The following ATP10A variants were observed in gnomAD, a reference collection of about 807,000 sequenced individuals.
ATP10A encodes phospholipid-transporting ATPase VA.
In ATP10A, 111 loss-of-function variants were observed where a neutral mutation model predicts 147.8. The observed-to-expected ratio is 0.75, with a 90% CI of 0.64 to 0.88. The LOEUF (loss-of-function observed/expected upper bound fraction) is 0.88. ATP10A is among the 40% of genes least tolerant of loss of function. The probability of loss-of-function intolerance (pLI) is 0.00; values close to 1 mark genes in which losing one functional copy is unlikely to be tolerated. For synonymous variants in ATP10A, 875 were observed against 841.6 expected (o/e 1.04, Z -0.69); for missense variants, 1,927 against 1,959.0 (o/e 0.98, Z 0.31).
chr15:25,722,351 G>C (rs1902296777), intron 6 of ATP10A, among the ~76,000 whole-genome samples: 1 of 152,180 alleles, frequency 6.6e-6, no homozygotes, highest in Non-Finnish European at 1.5e-5. Context: ...ACAACCCCAA[G>C]TTCAGGGGGC....
intron 1 of ATP10A, among the ~76,000 whole-genome samples, chr15:25,843,887 G>A (rs1892913405): frequency 6.6e-6 from 1 of 152,144 alleles, no homozygotes; most frequent in Non-Finnish European, 1.5e-5. Context: ...GCACTGGAAG[G>A]GCTGGAGTCT....
chr15:25,862,556 C>G, intron 1 of ATP10A, 92 bp downstream of exon 1: 1 of 1,354,974 alleles, frequency 7.4e-7, no homozygotes, highest in Non-Finnish European at 9.8e-7. Context: ...TCTAAGCACC[C>G]AGCCCCTGCC....
At chr15:25,853,380 C>T (rs895524043) in intron 1 of ATP10A, among the ~76,000 whole-genome samples, 1 of 152,176 alleles carries the variant, frequency 6.6e-6, no homozygotes, top group African/African-American at 2.4e-5. Flanking sequence ...TAACAGTCAC[C>T]CAGCCCCTTT....
At chr15:25,816,999 T>C (rs1218439585) in intron 1 of ATP10A, among the ~76,000 whole-genome samples, 1 of 152,194 alleles carries the variant, frequency 6.6e-6, no homozygotes, top group Non-Finnish European at 1.5e-5. Context: ...TACCTGAATT[T>C]TACAATTTAG....
intron 2 of ATP10A, 151 bp from the exon 3 acceptor site, chr15:25,736,292 C>T: frequency 1.5e-6 from 1 of 656,808 alleles, no homozygotes; most frequent in Admixed American, 2.2e-5. Flanking sequence ...CAAAGCAACG[C>T]CTTCTCCACT....
At chr15:25,742,022 T>C (rs1203121981) in intron 2 of ATP10A, among the ~76,000 whole-genome samples, 2 of 152,248 alleles carry the variant, frequency 1.3e-5, no homozygotes, top group African/African-American at 4.8e-5. Context: ...ATGAAACCCA[T>C]TTAGACAGCA....
At chr15:25,692,627 T>C (rs746124084) in intron 14 of ATP10A, among the ~76,000 whole-genome samples, 2 of 152,228 alleles carry the variant, frequency 1.3e-5, no homozygotes, top group African/African-American at 4.8e-5. Flanking sequence ...TTAATATATA[T>C]CAAATTGGAA....
chr15:25,863,061 C>A lies in ATP10A; in HGVS notation c.36G>T (p.Gly12=). The change falls in exon 1 of 21, where the codon GGG becomes GGT. Residue 12 remains glycine (G), a synonymous_variant. Coordinates refer to ENST00000555815, the MANE Select transcript of ATP10A (RefSeq NM_024490.4). ...EREPAGTEEP[G]PPGRRRRREG... The stretch of plus-strand genomic sequence containing the variant: ...CTCGGCGCCTCCGCCGTCCCGGAGG[C>A]CCGGGCTCCTCGGTCCCCGCCGGCT... 8.0e-7 allele frequency: 1 copy of A among 1,244,812 alleles called. No individual in the cohort carries two copies. Among genetic ancestry groups the A allele is most frequent in the Non-Finnish European group, 1.0e-6 (1 of 997,698 alleles). 77.1% of individuals were successfully genotyped at this position (1,244,812 alleles called of 1,614,324 possible). A position where few individuals can be genotyped will look rare whatever the true frequency, so the allele number is the denominator to read the frequency against.
At chr15:25,851,262 T>C (rs1893283951) in intron 1 of ATP10A, among the ~76,000 whole-genome samples, 1 of 152,112 alleles carries the variant, frequency 6.6e-6, no homozygotes, top group African/African-American at 2.4e-5. Flanking sequence ...AAGCACCTAC[T>C]AAGCACCTTT....
In ATP10A at chr15:25,679,419, C is replaced by G; in HGVS notation, c.4422G>C (p.Gln1474His). Residue 1474 changes from glutamine (Q) to histidine (H), a missense_variant, in exon 21 of 21, where the codon CAG becomes CAC. Gln to His is a conservative substitution (Grantham distance 24). Coordinates refer to ENST00000555815, the MANE Select transcript of ATP10A (RefSeq NM_024490.4). ...GAAGTCCTGATCGGCCTGAGTGGGGCTGGACAGGAAGTCCACGTCCCGCTT... is the reference window on the plus strand; with the variant it reads ...GAAGTCCTGATCGGCCTGAGTGGGGGTGGACAGGAAGTCCACGTCCCGCTT... ...DGQAGRGLPV[Q>H]PHSGRSGLQG... 1 of 1,613,604 alleles carries G rather than the reference C, an allele frequency of 6.2e-7. No homozygotes were observed. The highest frequency in any genetic ancestry group is 8.5e-7 in the Non-Finnish European group (1 of 1,179,572).
chr15:25,822,585 A>T (rs1308295633), intron 1 of ATP10A, among the ~76,000 whole-genome samples: 6 of 152,116 alleles, frequency 3.9e-5, no homozygotes, highest in Non-Finnish European at 8.8e-5. Context: ...GTCGCACCCA[A>T]ATTGACACAA....
At chr15:25,743,241 C>T (rs1475162424) in intron 2 of ATP10A, among the ~76,000 whole-genome samples, 1 of 152,160 alleles carries the variant, frequency 6.6e-6, no homozygotes, top group East Asian at 1.9e-4. Flanking sequence ...ACCTCTTGCG[C>T]TAATCTGGGG....
At chr15:25,811,507 C>T (rs532660187) in intron 1 of ATP10A, among the ~76,000 whole-genome samples, 126 of 152,256 alleles carry the variant, frequency 8.3e-4, no homozygotes, top group Middle Eastern at 3.4e-3. Context: ...ACTGCACACC[C>T]GGGCATCCCT....
chr15:25,782,853 T>C (rs558445078), intron 1 of ATP10A, among the ~76,000 whole-genome samples: 120 of 152,064 alleles, frequency 7.9e-4, no homozygotes, highest in Non-Finnish European at 1.4e-3. Flanking sequence ...GAAACATACC[T>C]TGGAGAGGAA....
intron 9 of ATP10A, among the ~76,000 whole-genome samples, chr15:25,716,063 T>C (rs1567326303): frequency 6.6e-6 from 1 of 152,210 alleles, no homozygotes; most frequent in Non-Finnish European, 1.5e-5. Flanking sequence ...AATTTGAGCA[T>C]TGCTATATTT....
intron 2 of ATP10A, among the ~76,000 whole-genome samples, chr15:25,742,288 C>CT (rs36007699): frequency 0.35 from 52,972 of 152,122 alleles, 9,590 homozygotes; most frequent in Non-Finnish European, 0.4. Flanking sequence ...CAGGTGGCTT[C>CT]TGGGAGGCTC....
At chr15:25,722,012 T>A in intron 6 of ATP10A, 103 bp from the exon 7 acceptor site, 1 of 1,287,662 alleles carries the variant, frequency 7.8e-7, no homozygotes, top group Non-Finnish European at 1.1e-6. Context: ...CGCAAGAAAG[T>A]AGGGACTATA....
Position 25,708,189 on chromosome 15 carries a change from CCACT to C in ATP10A, c.2448+4_2448+7del. 1.2e-6 allele frequency: 2 copies of C among 1,614,210 alleles called. No homozygotes were observed. The highest frequency in any genetic ancestry group is 1.7e-6 in the Non-Finnish European group (2 of 1,180,022). On this transcript the variant is annotated splice_donor_5th_base_variant and intron_variant, in intron 11 of 20. Coordinates refer to ENST00000555815, the MANE Select transcript of ATP10A (RefSeq NM_024490.4). ...CACGTGCACCCTCGCGGAGACACCCCCACTCACTCTCTTGGCGATGCACAAGGTG... is the reference window on the plus strand; with the variant it reads ...CACGTGCACCCTCGCGGAGACACCCCCACTCTCTTGGCGATGCACAAGGTG...
intron 1 of ATP10A, among the ~76,000 whole-genome samples, chr15:25,833,016 T>G (rs1303195965): frequency 4.2e-5 from 6 of 143,998 alleles, no homozygotes; most frequent in Non-Finnish European, 1.5e-5. Flanking sequence ...AGAGTCTCAC[T>G]CTGTTGCCCA....
Sources: gnomAD v4.1 joint callset for allele counts (sites outside exome capture counted in the v4.1 genomes callset) on GRCh38, gnomAD v4.1.1 for gene constraint, MANE v1.5 for transcripts, NCBI Gene and HGNC (gene_info 2026-07-23, HGNC 2026-07-21) for gene names.